Variants in GOSR1 observed in about 807,000 individuals in gnomAD.
GOSR1 encodes the protein golgi SNAP receptor complex member 1.
GOSR1 carries 21 observed loss-of-function variants against 35.5 expected under a neutral mutation model. The observed-to-expected ratio is 0.59, with a 90% CI of 0.42 to 0.85. The LOEUF (loss-of-function observed/expected upper bound fraction) is 0.85. GOSR1 is among the 40% of genes least tolerant of loss of function. The pLI is 0.00. For missense variants in GOSR1, 285 were observed against 309.6 expected (o/e 0.92, Z 0.60); for synonymous variants, 94 against 106.6 (o/e 0.88, Z 0.73).
chr17:30,503,346 G>T (rs1268759361), intron 6 of GOSR1, among the ~76,000 whole-genome samples: 1 of 152,166 alleles, frequency 6.6e-6, no homozygotes, highest in Non-Finnish European at 1.5e-5. Flanking sequence ...AACTGGTGAT[G>T]AAATGTAGCT....
intron 3 of GOSR1, 71 bp downstream of exon 3, chr17:30,484,372 T>C (rs1914544369): frequency 3.4e-6 from 3 of 870,694 alleles, no homozygotes; most frequent in East Asian, 2.4e-5. Flanking sequence ...CTGGATTATA[T>C]TGAGACAGAC....
At chr17:30,498,609 C>A (rs1465910716) in intron 6 of GOSR1, among the ~76,000 whole-genome samples, 9 of 152,200 alleles carry the variant, frequency 5.9e-5, no homozygotes, top group African/African-American at 2.2e-4. Flanking sequence ...AAAGTTGAAA[C>A]TCAGACCTCA....
intron 1 of GOSR1, chr17:30,478,517 A>G (rs1463072417): frequency 1.3e-5 from 2 of 150,702 alleles, no homozygotes; most frequent in Admixed American, 6.6e-5. Flanking sequence ...TAAAACATGT[A>G]TTACAATGCC....
At chr17:30,520,245 G>GA (rs1459751828) in intron 8 of GOSR1, 1 of 386,624 alleles carries the variant, frequency 2.6e-6, no homozygotes, top group Non-Finnish European at 4.6e-6. Flanking sequence ...AGATGTAGAA[G>GA]AAAAAAATTA....
chr17:30,499,601 A>G (rs1967129784), intron 6 of GOSR1, among the ~76,000 whole-genome samples: 1 of 152,200 alleles, frequency 6.6e-6, no homozygotes, highest in South Asian at 2.1e-4. Flanking sequence ...TTGGCCTCCC[A>G]AAGTGCTGGG....
intron 6 of GOSR1, chr17:30,495,584 T>C (rs1966965429): frequency 8.5e-6 from 3 of 351,874 alleles, no homozygotes; most frequent in Middle Eastern, 7.8e-4. Flanking sequence ...CATCTACAGG[T>C]GTGTCACCTT....
intron 5 of GOSR1, among the ~76,000 whole-genome samples, chr17:30,490,929 A>G (rs1031600461): frequency 2.0e-5 from 3 of 152,226 alleles, no homozygotes; most frequent in Non-Finnish European, 4.4e-5. Flanking sequence ...GGAGCCATCT[A>G]ATGATACCTG....
intron 2 of GOSR1, among the ~76,000 whole-genome samples, chr17:30,483,769 A>G (rs964021735): frequency 1.3e-5 from 2 of 152,242 alleles, no homozygotes; most frequent in African/African-American, 2.4e-5. Flanking sequence ...TGTCAAACCT[A>G]AGTTTCACTT....
chr17:30,496,476 C>T (rs1468576155), intron 6 of GOSR1, among the ~76,000 whole-genome samples: 1 of 152,210 alleles, frequency 6.6e-6, no homozygotes, highest in Non-Finnish European at 1.5e-5. Flanking sequence ...TTTACTGATT[C>T]TCCACATACC....
chr17:30,498,128 A>G (rs1194136663), intron 6 of GOSR1, among the ~76,000 whole-genome samples: 1 of 151,806 alleles, frequency 6.6e-6, no homozygotes, highest in Non-Finnish European at 1.5e-5. Flanking sequence ...ATATATCAGT[A>G]TAATGAACAT....
chr17:30,481,049 G>C, intron 1 of GOSR1, 94 bp from the exon 2 acceptor site: 1 of 825,436 alleles, frequency 1.2e-6, no homozygotes. Flanking sequence ...ATCAGTATAT[G>C]ATCATTTTCA....
At chr17:30,507,722 CAA>C (rs57856074) in intron 6 of GOSR1, among the ~76,000 whole-genome samples, 6 of 125,606 alleles carry the variant, frequency 4.8e-5, no homozygotes, top group Admixed American at 8.1e-5. Context: ...GACTCTGTCT[CAA>C]AAAAAAAAAA....
In GOSR1 at chr17:30,523,641, G is replaced by GGCCA. The variant is rs1968125841; in HGVS notation, c.*1266_*1267insAGCC. On this transcript the variant is annotated 3_prime_UTR_variant, in exon 9 of 9. Coordinates refer to ENST00000451249, the MANE Select transcript of GOSR1 (RefSeq NM_001007025.2). ...AGGGAGGTGGGGGGCGCCTCTGCCC[G>GGCCA]GCCGCCCCTGCCCGGCCGCCCCTAC... The GGCCA allele has an allele frequency of 3.5e-5, 1 of 28,512 alleles. No homozygotes were observed. The highest frequency in any genetic ancestry group is 5.3e-4 in the African/African-American group (1 of 1,896). 1.8% of individuals were successfully genotyped at this position (28,512 alleles called of 1,614,324 possible).
At chr17:30,514,554 C>A (rs967512448) in intron 7 of GOSR1, among the ~76,000 whole-genome samples, 2 of 152,200 alleles carry the variant, frequency 1.3e-5, no homozygotes, top group Non-Finnish European at 2.9e-5. Context: ...CTTCTAAAGT[C>A]CAGGCTGGCA....
intron 7 of GOSR1, among the ~76,000 whole-genome samples, chr17:30,512,714 A>G (rs1967659064): frequency 6.6e-6 from 1 of 152,322 alleles, no homozygotes. Context: ...TCAGCACATG[A>G]GATCTGATCA....
At position 30,516,871 on chromosome 17, in the gene GOSR1, G is replaced by A. The variant is rs145777520; in HGVS notation, c.540-3068G>A. On this transcript the variant is annotated intron_variant, in intron 7 of 8. Transcript: ENST00000451249. ...TGGGATTACAGGCGCTCACCACCAC[G>A]CCTGGCTAATTTTTGTATTTTTAGT... 1.3e-4 allele frequency among the ~76,000 whole-genome samples: 20 copies of A among 152,178 alleles called. No individual in the cohort carries two copies. The East Asian group carries it at 2.5e-3, about 19-fold the overall frequency.
intron 4 of GOSR1, 87 bp from the exon 5 acceptor site, chr17:30,490,039 T>C: frequency 1.6e-6 from 1 of 622,894 alleles, no homozygotes; most frequent in Non-Finnish European, 2.9e-6. Context: ...TTGACAAATT[T>C]ACAGTGTGAT....
chr17:30,481,452 A>C (rs1256154546), intron 2 of GOSR1, 195 bp downstream of exon 2: 3 of 392,678 alleles, frequency 7.6e-6, no homozygotes, highest in African/African-American at 4.0e-5. Flanking sequence ...TTTATTTGGA[A>C]TCCTTAGGCA....
intron 7 of GOSR1, among the ~76,000 whole-genome samples, chr17:30,512,443 T>C (rs1444040158): frequency 6.6e-6 from 1 of 152,198 alleles, no homozygotes; most frequent in Non-Finnish European, 1.5e-5. Context: ...ACATTGATGC[T>C]CTTTACTCCT....
Sources: allele counts gnomAD v4.1 joint callset (sites outside exome capture counted in the v4.1 genomes callset), GRCh38; gene constraint gnomAD v4.1.1; transcripts MANE v1.5; gene names NCBI Gene and HGNC (gene_info 2026-07-23, HGNC 2026-07-21).